The following PAFAH1B1 variants were observed in gnomAD, a reference collection of about 807,000 sequenced individuals.
PAFAH1B1 encodes the protein platelet-activating factor acetylhydrolase IB subunit beta.
Under a neutral mutation model 57.5 loss-of-function variants are expected in PAFAH1B1, and 2 were observed. That is an observed-to-expected ratio of 0.03 (90% CI 0.01 to 0.11). The LOEUF (loss-of-function observed/expected upper bound fraction) is 0.11, where lower values mean the gene tolerates loss of function less well. Ranked by LOEUF, PAFAH1B1 falls within the 10% of genes least tolerant of loss-of-function variation. PAFAH1B1 has a pLI of 1.00. For missense variants in PAFAH1B1, 257 were observed against 512.0 expected, an observed-to-expected ratio of 0.50 and a Z score of 4.81; for synonymous variants, 152 against 169.6, an observed-to-expected ratio of 0.90 and a Z score of 0.81.
At chr17:2,629,636 G>A (rs2068532339) in intron 1 of PAFAH1B1, among the ~76,000 whole-genome samples, 1 of 152,016 alleles carries the variant, frequency 6.6e-6, no homozygotes, top group Non-Finnish European at 1.5e-5. Context: ...TTGTTCCTTT[G>A]TTGACTTTCT....
intron 1 of PAFAH1B1, among the ~76,000 whole-genome samples, chr17:2,609,255 C>G (rs2068239286): frequency 6.6e-6 from 1 of 152,174 alleles, no homozygotes; most frequent in Non-Finnish European, 1.5e-5. Flanking sequence ...AGTGATCCCC[C>G]TGCCTCGGCC....
At position 2,652,657 on chromosome 17, in the gene PAFAH1B1, T is replaced by G. The variant is rs576986507; in HGVS notation, c.33-12715T>G. On this transcript the variant is annotated intron_variant, in intron 2 of 10. Transcript: ENST00000397195. ...TGAAGGTCTGCACCTGCCCGCGCAC[T>G]TCACGTTGTACATGGGAATGTACTA... Among the ~76,000 whole-genome samples the G allele has an allele frequency of 3.9e-5, 6 of 152,326 alleles. No homozygotes were observed. The South Asian group carries it at 1.2e-3, about 32-fold the overall frequency.
chr17:2,624,411 A>G (rs2068463049), intron 1 of PAFAH1B1, among the ~76,000 whole-genome samples: 1 of 152,166 alleles, frequency 6.6e-6, no homozygotes, highest in Non-Finnish European at 1.5e-5. Context: ...CTGCTGATAC[A>G]GACATACCCG....
chr17:2,626,553 T>TCC (rs764519686), intron 1 of PAFAH1B1, among the ~76,000 whole-genome samples: 15 of 32,730 alleles, frequency 4.6e-4, no homozygotes, highest in African/African-American at 8.5e-4. Flanking sequence ...TCACCTTTCT[T>TCC]CCCCCCCCCC....
In PAFAH1B1 at chr17:2,680,291, A is replaced by G. The variant is rs1167470350; in HGVS notation, c.1130A>G (p.Asn377Ser). 5.0e-6 allele frequency: 8 copies of G among 1,614,072 alleles called. No individual in the cohort carries two copies. Among genetic ancestry groups the G allele is most frequent in the East Asian group, 2.2e-5 (1 of 44,898 alleles). Residue 377 changes from asparagine to serine, a missense_variant, in exon 10 of 11, where the codon AAT (asparagine) becomes AGT (serine). By Grantham distance (46) the Asn-to-Ser change is conservative. Coordinates refer to ENST00000397195, the MANE Select transcript of PAFAH1B1 (RefSeq NM_000430.4). ...YKNKRCMKTL[N>S]AHEHFVTSLD... ...AACAAGCGATGCATGAAGACCCTCA[A>G]TGCGCATGAACACTTTGTTACCTCC...
At chr17:2,594,479 G>T (rs939738815) in intron 1 of PAFAH1B1, among the ~76,000 whole-genome samples, 2 of 152,204 alleles carry the variant, frequency 1.3e-5, no homozygotes. Context: ...CCCACCCTCA[G>T]TTATCGGCTC....
At chr17:2,615,400 G>A (rs2151618460) in intron 1 of PAFAH1B1, among the ~76,000 whole-genome samples, 1 of 152,262 alleles carries the variant, frequency 6.6e-6, no homozygotes, top group Admixed American at 6.5e-5. Flanking sequence ...ACCTTTAGGT[G>A]TTCAAAATGG....
At chr17:2,618,992 CAT>C (rs2068384336) in intron 1 of PAFAH1B1, among the ~76,000 whole-genome samples, 1 of 148,632 alleles carries the variant, frequency 6.7e-6, no homozygotes, top group Middle Eastern at 3.6e-3. Context: ...GAGCAACAGT[CAT>C]ATAACACTCC....
At chr17:2,631,828 C>T (rs191375923) in intron 1 of PAFAH1B1, among the ~76,000 whole-genome samples, 21 of 152,240 alleles carry the variant, frequency 1.4e-4, no homozygotes, top group African/African-American at 4.3e-4. Context: ...CAGCTCTGTC[C>T]GAAGCTGCAA....
At chr17:2,623,309 G>A (rs1314331168) in intron 1 of PAFAH1B1, among the ~76,000 whole-genome samples, 2 of 122,858 alleles carry the variant, frequency 1.6e-5, no homozygotes, top group African/African-American at 6.3e-5. Flanking sequence ...TCACTCTGTC[G>A]CCCGGGCTGG....
chr17:2,596,830 AG>A (rs766907353), intron 1 of PAFAH1B1, among the ~76,000 whole-genome samples: 9 of 152,112 alleles, frequency 5.9e-5, no homozygotes, highest in Non-Finnish European at 1.0e-4. Context: ...AGGCCGAGGC[AG>A]GTGGATCACC....
intron 1 of PAFAH1B1, among the ~76,000 whole-genome samples, chr17:2,604,318 G>A (rs113748506): frequency 0.012 from 1,810 of 152,258 alleles, 45 homozygotes; most frequent in African/African-American, 0.042. Context: ...GGTTACAGGT[G>A]TGAGCCACCG....
chr17:2,643,613 G>A (rs796389373), intron 2 of PAFAH1B1, among the ~76,000 whole-genome samples: 1 of 151,698 alleles, frequency 6.6e-6, no homozygotes, highest in East Asian at 1.9e-4. Flanking sequence ...AGACTGGAGT[G>A]CAGTGGGGTG....
intron 1 of PAFAH1B1, among the ~76,000 whole-genome samples, chr17:2,605,722 G>C (rs1049915703): frequency 6.6e-6 from 1 of 151,948 alleles, no homozygotes; most frequent in Admixed American, 6.6e-5. Context: ...CTCTGAGTTC[G>C]TAATCTTATA....
intron 2 of PAFAH1B1, among the ~76,000 whole-genome samples, chr17:2,654,519 C>T (rs543889550): frequency 1.6e-4 from 24 of 152,236 alleles, no homozygotes; most frequent in Non-Finnish European, 3.2e-4. Flanking sequence ...AATCTATAAT[C>T]ATATTGTCTA....
At chr17:2,623,091 T>C (rs1349271953) in intron 1 of PAFAH1B1, among the ~76,000 whole-genome samples, 1 of 152,022 alleles carries the variant, frequency 6.6e-6, no homozygotes, top group East Asian at 1.9e-4. Context: ...ACCACTTTTT[T>C]CTCCTGGGCC....
intron 1 of PAFAH1B1, among the ~76,000 whole-genome samples, chr17:2,620,829 T>C (rs1324376172): frequency 6.6e-6 from 1 of 152,128 alleles, no homozygotes; most frequent in African/African-American, 2.4e-5. Flanking sequence ...ACCATTGCAC[T>C]CCAGCCTGGG....
intron 1 of PAFAH1B1, among the ~76,000 whole-genome samples, chr17:2,600,520 A>T (rs1463054366): frequency 3.5e-5 from 5 of 144,204 alleles, no homozygotes; most frequent in Non-Finnish European, 4.5e-5. Context: ...CAGTGAGCCG[A>T]GATCGTGCCA....
intron 1 of PAFAH1B1, among the ~76,000 whole-genome samples, chr17:2,627,236 A>G (rs1304020284): frequency 6.6e-6 from 1 of 152,216 alleles, no homozygotes; most frequent in African/African-American, 2.4e-5. Context: ...CTTAGGTTTA[A>G]GTCCTTAATT....
Sources: allele counts gnomAD v4.1 joint callset (sites outside exome capture counted in the v4.1 genomes callset), GRCh38; gene constraint gnomAD v4.1.1; transcripts MANE v1.5; gene names NCBI Gene and HGNC (gene_info 2026-07-23, HGNC 2026-07-21).